Variants in ACACB observed in about 807,000 individuals in gnomAD.
The protein encoded by ACACB is acetyl-CoA carboxylase beta.
Under a neutral mutation model 278.8 loss-of-function variants are expected in ACACB, and 209 were observed. That is an observed-to-expected ratio of 0.75 (90% CI 0.67 to 0.84). ACACB has a LOEUF of 0.84. Among genes scored for constraint, ACACB ranks in the 40% least tolerant of loss-of-function variants. ACACB has a pLI of 0.00. For missense variants in ACACB, 2,850 were observed against 3,269.0 expected, an observed-to-expected ratio of 0.87 and a Z score of 3.13; for synonymous variants, 1,174 against 1,285.6, an observed-to-expected ratio of 0.91 and a Z score of 1.86.
At chr12:109,115,220 A>G (rs1008007250), upstream of ACACB, among the ~76,000 whole-genome samples, 2 of 152,232 alleles carry the variant, frequency 1.3e-5, no homozygotes, top group Admixed American at 1.3e-4. Flanking sequence ...GTAGTTGATG[A>G]GGACACTGAA....
At chr12:109,130,997 AC>A (rs1338553216) in intron 1 of ACACB, among the ~76,000 whole-genome samples, 1 of 152,168 alleles carries the variant, frequency 6.6e-6, no homozygotes, top group Non-Finnish European at 1.5e-5. Flanking sequence ...TGTTGTGATT[AC>A]AGGACTGTTT....
chr12:109,152,261 A>C (rs1014917207), intron 2 of ACACB, among the ~76,000 whole-genome samples: 1 of 152,164 alleles, frequency 6.6e-6, no homozygotes, highest in Non-Finnish European at 1.5e-5. Context: ...GGTATTTTGA[A>C]ATATCTTCAT....
At chr12:109,140,227 C>T (rs2043070647) in intron 2 of ACACB, among the ~76,000 whole-genome samples, 169 bp downstream of exon 2, 1 of 134,086 alleles carries the variant, frequency 7.5e-6, no homozygotes, top group South Asian at 2.4e-4. Flanking sequence ...TCCTTCCTTC[C>T]TTCCTTCCTT....
intron 42 of ACACB, 150 bp from the exon 43 acceptor site, chr12:109,252,865 G>T (rs1178649187): frequency 8.7e-6 from 6 of 690,972 alleles, no homozygotes; most frequent in Non-Finnish European, 1.1e-5. Flanking sequence ...GATATAATTG[G>T]TCTGGATGTA....
intron 2 of ACACB, among the ~76,000 whole-genome samples, chr12:109,157,420 C>T (rs537778753): frequency 1.8e-4 from 27 of 151,978 alleles, no homozygotes; most frequent in African/African-American, 6.5e-4. Flanking sequence ...CACAGGCATG[C>T]GCCACCACAC....
chr12:109,198,278 G>T (rs948333470), intron 17 of ACACB, among the ~76,000 whole-genome samples: 2 of 152,102 alleles, frequency 1.3e-5, no homozygotes, highest in Non-Finnish European at 2.9e-5. Flanking sequence ...CAGTTCAAAG[G>T]TTAAGACTTT....
intron 2 of ACACB, among the ~76,000 whole-genome samples, chr12:109,161,211 G>A (rs1374431585): frequency 6.6e-6 from 1 of 152,150 alleles, no homozygotes; most frequent in African/African-American, 2.4e-5. Flanking sequence ...GCTTTTCATT[G>A]GGAGGATCTT....
In ACACB at chr12:109,246,352, T is replaced by C. The variant is rs1235764905; in HGVS notation, c.5475T>C (p.Ile1825=). The C allele has an allele frequency of 6.2e-7, 1 of 1,612,500 alleles. No homozygotes were observed. The highest frequency in any genetic ancestry group is 1.3e-5 in the African/African-American group (1 of 74,322). The part of the protein sequence containing the change: ...EMARAEGIPK[I]YVAANSGARI... ...CCCGGGCAGAGGGCATTCCCAAAAT[T>C]TACGTGGCAGCCAACAGTGGCGCCC... Residue 1825 remains isoleucine, a synonymous_variant, in exon 39 of 53, where the codon ATT becomes ATC. Transcript: ENST00000338432.
At position 109,174,044 on chromosome 12, in the gene ACACB, CCCA is replaced by C. The variant is rs2044202309; in HGVS notation, c.1118-82_1118-80del. ...CTCTGTCATCTGCTCCTTACCTGGC[CCCA>C]CCACCGTGCACTCGGTCGGCCTTCA... On this transcript the variant is annotated intron_variant, in intron 6 of 52. Coordinates refer to ENST00000338432, the MANE Select transcript of ACACB (RefSeq NM_001093.4). The C allele has an allele frequency of 5.4e-6, 6 of 1,117,082 alleles. No individual in the cohort carries two copies. In the South Asian group the frequency reaches 8.9e-5, roughly 17 times the overall value. 69.2% of individuals were successfully genotyped at this position (1,117,082 alleles called of 1,614,324 possible).
intron 13 of ACACB, among the ~76,000 whole-genome samples, chr12:109,189,764 A>G (rs1593507301): frequency 6.6e-6 from 1 of 152,144 alleles, no homozygotes; most frequent in African/African-American, 2.4e-5. Flanking sequence ...AAATGGGGTC[A>G]TCAGTGTCCT....
intron 1 of ACACB, among the ~76,000 whole-genome samples, chr12:109,124,393 G>A (rs1201382121): frequency 6.6e-6 from 1 of 152,162 alleles, no homozygotes; most frequent in Non-Finnish European, 1.5e-5. Flanking sequence ...ATAAGTACTA[G>A]GTCAAGAGGC....
At chr12:109,194,147 C>T (rs1340245442) in intron 16 of ACACB, among the ~76,000 whole-genome samples, 2 of 152,048 alleles carry the variant, frequency 1.3e-5, no homozygotes, top group African/African-American at 4.8e-5. Flanking sequence ...TGATTTTTGG[C>T]TTGTGGATGC....
chr12:109,137,821 C>G (rs1405776013), intron 1 of ACACB, among the ~76,000 whole-genome samples: 1 of 151,974 alleles, frequency 6.6e-6, no homozygotes, highest in African/African-American at 2.4e-5. Flanking sequence ...GGGTCTCACT[C>G]TGTTGTCCAG....
intron 28 of ACACB, among the ~76,000 whole-genome samples, chr12:109,229,706 T>C (rs1238785561): frequency 6.6e-6 from 1 of 152,078 alleles, no homozygotes; most frequent in Admixed American, 6.6e-5. Context: ...CTTTTTTTTG[T>C]AATTTTAGTA....
chr12:109,175,841 C>A, intron 7 of ACACB, 90 bp from the exon 8 acceptor site: 1 of 1,095,994 alleles, frequency 9.1e-7, no homozygotes, highest in Non-Finnish European at 1.4e-6. Flanking sequence ...AGGTCTAGCA[C>A]TATGTCAGCA....
intron 19 of ACACB, 141 bp from the exon 20 acceptor site, chr12:109,206,569 C>T (rs975698748): frequency 4.7e-6 from 5 of 1,056,246 alleles, no homozygotes; most frequent in Non-Finnish European, 6.9e-6. Context: ...CTTTCCAGTT[C>T]ATTGTCTTTG....
At chr12:109,129,605 A>G (rs12580798) in intron 1 of ACACB, among the ~76,000 whole-genome samples, 8,194 of 152,308 alleles carry the variant, frequency 0.054, 416 homozygotes, top group East Asian at 0.25. Context: ...TCACTGGATC[A>G]GGGAACAGAT....
intron 2 of ACACB, 49 bp downstream of exon 2, chr12:109,140,107 G>C (rs900045491): frequency 6.6e-7 from 1 of 1,509,244 alleles, no homozygotes; most frequent in Non-Finnish European, 8.8e-7. Flanking sequence ...GTTCAGGTGG[G>C]GTCCACACCC....
chr12:109,131,946 G>A (rs542667954), intron 1 of ACACB, among the ~76,000 whole-genome samples: 29 of 152,148 alleles, frequency 1.9e-4, no homozygotes, highest in Admixed American at 1.2e-3. Flanking sequence ...GTCGATCTGC[G>A]GCTGTGTCTT....
Sources: allele counts gnomAD v4.1 joint callset (sites outside exome capture counted in the v4.1 genomes callset), GRCh38; gene constraint gnomAD v4.1.1; transcripts MANE v1.5; gene names NCBI Gene and HGNC (gene_info 2026-07-23, HGNC 2026-07-21).